LSAMP: variants seen among roughly 807,000 people sequenced by gnomAD.
The protein encoded by LSAMP is limbic system-associated membrane protein.
A neutral mutation model predicts 38.6 loss-of-function variants in LSAMP; 7 were observed. The observed-to-expected ratio is 0.18, with a 90% CI of 0.10 to 0.34. The LOEUF (loss-of-function observed/expected upper bound fraction) is 0.34, where lower values mean the gene tolerates loss of function less well. LSAMP is among the 10% of genes least tolerant of loss of function. The pLI is 1.00. For missense variants in LSAMP, 313 were observed against 420.0 expected (o/e 0.75, Z 2.23); for synonymous variants, 154 against 166.8 (o/e 0.92, Z 0.59).
chr3:116,254,349 T>C (rs2107651789), intron 1 of LSAMP, among the ~76,000 whole-genome samples: 1 of 151,554 alleles, frequency 6.6e-6, no homozygotes, highest in East Asian at 1.9e-4. Flanking sequence ...AGAAATATGA[T>C]GTAATGTGGC....
At chr3:116,394,399 C>T (rs914359011) in intron 1 of LSAMP, among the ~76,000 whole-genome samples, 7 of 152,148 alleles carry the variant, frequency 4.6e-5, no homozygotes, top group Admixed American at 6.5e-5. Context: ...CCCTATTGCT[C>T]CCTCTGTTAT....
chr3:116,177,981 G>C (rs1467768601), intron 1 of LSAMP, among the ~76,000 whole-genome samples: 1 of 152,140 alleles, frequency 6.6e-6, no homozygotes, highest in Non-Finnish European at 1.5e-5. Context: ...GGGCAGTCTT[G>C]AAAATTGAAA....
chr3:116,219,950 G>A (rs1051667395), intron 1 of LSAMP, among the ~76,000 whole-genome samples: 43 of 152,090 alleles, frequency 2.8e-4, no homozygotes, highest in Non-Finnish European at 5.0e-4. Flanking sequence ...CAAAATGGGT[G>A]GATCACCTGA....
intron 2 of LSAMP, among the ~76,000 whole-genome samples, chr3:116,067,245 A>G (rs1707479979): frequency 6.6e-6 from 1 of 152,200 alleles, no homozygotes; most frequent in Admixed American, 6.5e-5. Flanking sequence ...TCTGCTTCAA[A>G]TGGTAGCCCA....
chr3:116,298,396 T>C (rs1195169506), intron 1 of LSAMP, among the ~76,000 whole-genome samples: 1 of 152,028 alleles, frequency 6.6e-6, no homozygotes, highest in Non-Finnish European at 1.5e-5. Flanking sequence ...CATGTCTGAA[T>C]GCATTTGAGA....
intron 1 of LSAMP, among the ~76,000 whole-genome samples, chr3:116,372,962 TTG>T (rs1300299896): frequency 2.0e-5 from 3 of 151,266 alleles, no homozygotes; most frequent in Non-Finnish European, 4.4e-5. Flanking sequence ...GGTACAGATG[TTG>T]TGGAATACCA....
chr3:115,910,172 T>A (rs115847273), intron 3 of LSAMP, among the ~76,000 whole-genome samples: 73 of 152,300 alleles, frequency 4.8e-4, no homozygotes, highest in South Asian at 6.2e-4. Flanking sequence ...TAAAGTCCCA[T>A]AGCTAGTAAG....
chr3:116,181,035 T>G (rs543974930), intron 1 of LSAMP, among the ~76,000 whole-genome samples: 2 of 152,198 alleles, frequency 1.3e-5, no homozygotes, highest in South Asian at 4.1e-4. Context: ...AAGTGACTCT[T>G]TTAACCATTA....
chr3:116,316,532 G>A (rs1205079385), intron 1 of LSAMP, among the ~76,000 whole-genome samples: 1 of 152,170 alleles, frequency 6.6e-6, no homozygotes, highest in Non-Finnish European at 1.5e-5. Flanking sequence ...CAGAACTTTG[G>A]GAGACCGAGG....
At chr3:115,898,490 G>A (rs1936785113) in intron 3 of LSAMP, among the ~76,000 whole-genome samples, 1 of 151,914 alleles carries the variant, frequency 6.6e-6, no homozygotes, top group Admixed American at 6.6e-5. Flanking sequence ...CTCCAGAAGA[G>A]CCAAGAAAGT....
Position 116,110,011 on chromosome 3 carries a change from G to T in LSAMP, c.156-23455C>A, listed in dbSNP as rs973436174. Among the ~76,000 whole-genome samples, 7 of 151,714 alleles carry T rather than the reference G, an allele frequency of 4.6e-5. No individual in the cohort carries two copies. The East Asian group carries it at 1.4e-3, about 30-fold the overall frequency. On this transcript the variant is annotated intron_variant, in intron 1 of 6. Coordinates refer to ENST00000490035, the MANE Select transcript of LSAMP (RefSeq NM_002338.5). ...CACAGAGATAAGAGGTAGGGGTGAG[G>T]AAATAAGGGATTGGGGCACAGAGAT...
intron 1 of LSAMP, among the ~76,000 whole-genome samples, chr3:116,200,786 A>C (rs996280870): frequency 6.6e-6 from 1 of 152,202 alleles, no homozygotes; most frequent in Non-Finnish European, 1.5e-5. Flanking sequence ...AACAAAAAGC[A>C]AGAGAAAATA....
At chr3:116,253,513 C>T (rs1180947688) in intron 1 of LSAMP, among the ~76,000 whole-genome samples, 1 of 152,034 alleles carries the variant, frequency 6.6e-6, no homozygotes, top group Non-Finnish European at 1.5e-5. Context: ...CACAGCAACC[C>T]AAAATAAGAC....
At chr3:116,139,711 G>T (rs1403545196) in intron 1 of LSAMP, among the ~76,000 whole-genome samples, 2 of 151,886 alleles carry the variant, frequency 1.3e-5, no homozygotes, top group Admixed American at 6.6e-5. Context: ...CACACATGAG[G>T]CTTATTTTTA....
rs184049789 is a variant in LSAMP at position 115,968,123 on chromosome 3, G to A, written c.514+51392C>T. Among the ~76,000 whole-genome samples, 633 of 152,196 alleles carry A rather than the reference G, an allele frequency of 4.2e-3. 7 individuals are homozygous for A. The highest frequency in any genetic ancestry group is 0.014 in the African/African-American group (599 of 41,534). On this transcript the variant is annotated intron_variant, in intron 3 of 6. Coordinates refer to ENST00000490035, the MANE Select transcript of LSAMP (RefSeq NM_002338.5). ...CCCCTTCCAGCCCAAAGCAGGTCCA[G>A]AAATACCATCCAAGAGCCATGTCCT...
At chr3:116,064,502 C>CAAAAAAAAAAAAAAAAAAAAACAAAAAAA (rs1241685941) in intron 2 of LSAMP, among the ~76,000 whole-genome samples, 1 of 90,400 alleles carries the variant, frequency 1.1e-5, no homozygotes, top group Non-Finnish European at 2.3e-5. Context: ...GACTCCGTCT[C>CAAAAAAAAAAAAAAAAAAAAACAAAAAAA]AAAAAAAAAA....
chr3:115,954,406 G>C (rs539487239), intron 3 of LSAMP, among the ~76,000 whole-genome samples: 1 of 152,212 alleles, frequency 6.6e-6, no homozygotes, highest in Non-Finnish European at 1.5e-5. Flanking sequence ...CCTCTAGATA[G>C]ACAGGTACAG....
intron 1 of LSAMP, among the ~76,000 whole-genome samples, chr3:116,110,740 A>G (rs1332727788): frequency 1.3e-5 from 2 of 152,198 alleles, no homozygotes; most frequent in African/African-American, 4.8e-5. Context: ...AGCAAAGAGC[A>G]GGAGAACAGG....
chr3:115,947,478 C>A (rs1339939697), intron 3 of LSAMP, among the ~76,000 whole-genome samples: 1 of 151,842 alleles, frequency 6.6e-6, no homozygotes, highest in Non-Finnish European at 1.5e-5. Context: ...AAAGGTGAAA[C>A]CTATTTATGG....
Sources: gnomAD v4.1 joint callset for allele counts (sites outside exome capture counted in the v4.1 genomes callset) on GRCh38, gnomAD v4.1.1 for gene constraint, MANE v1.5 for transcripts, NCBI Gene and HGNC (gene_info 2026-07-23, HGNC 2026-07-21) for gene names.